Variants in MAF observed in about 807,000 individuals in gnomAD.
MAF encodes MAF bZIP transcription factor.
Under a neutral mutation model 22.0 loss-of-function variants are expected in MAF, and 10 were observed. The observed-to-expected ratio is 0.45, with a 90% CI of 0.28 to 0.77. The LOEUF (loss-of-function observed/expected upper bound fraction) is 0.77, where lower values mean the gene tolerates loss of function less well. Ranked by LOEUF, MAF falls within the 30% of genes least tolerant of loss-of-function variation. MAF has a pLI of 0.12. For missense variants in MAF, 544 were observed against 548.4 expected (o/e 0.99, Z 0.08); for synonymous variants, 337 against 255.8 (o/e 1.32, Z -3.03).
the MAF span, among the ~76,000 whole-genome samples, chr16:79,329,870 C>G: frequency 6.6e-6 from 1 of 152,122 alleles, no homozygotes; most frequent in Admixed American, 6.5e-5. Context: ...TTCCTACTCA[C>G]TTCCTACATG....
intron 1 of MAF, chr16:79,595,357 C>T: frequency 2.9e-6 from 3 of 1,051,310 alleles, no homozygotes; most frequent in Non-Finnish European, 3.4e-6. Context: ...CTTAGCAGCA[C>T]CAAACACAAC....
the MAF span, among the ~76,000 whole-genome samples, chr16:79,405,976 C>T: frequency 2.6e-5 from 4 of 152,226 alleles, no homozygotes; most frequent in Non-Finnish European, 4.4e-5. Context: ...CAGAAGCCCA[C>T]TCTGTTCATG....
chr16:79,445,362 G>A, the MAF span, among the ~76,000 whole-genome samples: 3 of 152,130 alleles, frequency 2.0e-5, no homozygotes, highest in Non-Finnish European at 4.4e-5. Flanking sequence ...ATGTTTTTAT[G>A]TATCAGTTCC....
At chr16:79,525,224 C>A in the MAF span, among the ~76,000 whole-genome samples, 4 of 152,084 alleles carry the variant, frequency 2.6e-5, no homozygotes, top group Non-Finnish European at 4.4e-5. Context: ...TAATCAGGCA[C>A]TTAAAATAAA....
At chr16:79,504,416 C>T in the MAF span, among the ~76,000 whole-genome samples, 69 of 152,242 alleles carry the variant, frequency 4.5e-4, no homozygotes, top group Non-Finnish European at 6.9e-4. Flanking sequence ...TGCATAACTT[C>T]GACAAGTTAC....
At chr16:79,233,034 G>A in the MAF span, among the ~76,000 whole-genome samples, 12 of 151,682 alleles carry the variant, frequency 7.9e-5, 1 homozygote, top group Admixed American at 4.0e-4. Context: ...TAGAGACTGG[G>A]TGTCACCGTG....
At chr16:79,538,895 G>T in the MAF span, among the ~76,000 whole-genome samples, 1 of 147,484 alleles carries the variant, frequency 6.8e-6, no homozygotes, top group Non-Finnish European at 1.5e-5. Flanking sequence ...AAGAAAGAAA[G>T]AAAGAAAGAA....
chr16:79,388,806 C>T, the MAF span, among the ~76,000 whole-genome samples: 4 of 152,150 alleles, frequency 2.6e-5, no homozygotes, highest in African/African-American at 9.6e-5. Flanking sequence ...GTTCTCCTGT[C>T]CATTTCACGG....
At chr16:79,511,352 A>C in the MAF span, among the ~76,000 whole-genome samples, 1 of 152,144 alleles carries the variant, frequency 6.6e-6, no homozygotes, top group South Asian at 2.1e-4. Flanking sequence ...ATGTGATTTA[A>C]GAGAGAGAGA....
chr16:79,411,977 C>A, the MAF span, among the ~76,000 whole-genome samples: 1 of 152,150 alleles, frequency 6.6e-6, no homozygotes, highest in Non-Finnish European at 1.5e-5. Flanking sequence ...AGTAGTGTTG[C>A]TGTTGTTACC....
chr16:79,335,119 A>T, the MAF span, among the ~76,000 whole-genome samples: 1 of 150,138 alleles, frequency 6.7e-6, no homozygotes, highest in Non-Finnish European at 1.5e-5. Context: ...TGGGAGGCAG[A>T]TGTTGCAGTA....
the MAF span, among the ~76,000 whole-genome samples, chr16:79,484,953 C>T: frequency 6.6e-6 from 1 of 152,220 alleles, no homozygotes; most frequent in African/African-American, 2.4e-5. Flanking sequence ...CTTGGACCTG[C>T]CATTAGAAGT....
chr16:79,212,915 A>AAAG, the MAF span: 51 of 151,500 alleles, frequency 3.4e-4, no homozygotes, highest in African/African-American at 1.2e-3. Context: ...TTAAAGAAAG[A>AAAG]AAAAAGAAAA....
At chr16:79,214,019 T>C in the MAF span, among the ~76,000 whole-genome samples, 1 of 152,152 alleles carries the variant, frequency 6.6e-6, no homozygotes, top group Non-Finnish European at 1.5e-5. Context: ...CACTCCCAAC[T>C]CAAGGGGTGC....
chr16:79,437,350 C>T, the MAF span, among the ~76,000 whole-genome samples: 1 of 152,174 alleles, frequency 6.6e-6, no homozygotes, highest in Non-Finnish European at 1.5e-5. Context: ...TGAAGACGTA[C>T]ATTACAGGTG....
chr16:79,397,423 T>C, the MAF span, among the ~76,000 whole-genome samples: 1 of 152,252 alleles, frequency 6.6e-6, no homozygotes, highest in Non-Finnish European at 1.5e-5. Flanking sequence ...TCGTGTGATA[T>C]TTGAATATTT....
the MAF span, among the ~76,000 whole-genome samples, chr16:79,355,527 A>C: frequency 5.9e-5 from 9 of 152,232 alleles, no homozygotes; most frequent in Non-Finnish European, 1.3e-4. Context: ...CTGGAGGACC[A>C]TGAATGTATT....
the MAF span, among the ~76,000 whole-genome samples, chr16:79,433,209 T>A: frequency 6.6e-6 from 1 of 151,224 alleles, no homozygotes. Context: ...ATACTCCTTT[T>A]CTCTCGCAAA....
At chr16:79,407,467 C>G in the MAF span, among the ~76,000 whole-genome samples, 1 of 152,152 alleles carries the variant, frequency 6.6e-6, no homozygotes, top group East Asian at 1.9e-4. Flanking sequence ...CTCTTCCTCC[C>G]TCTTTCCCTC....
Sources: allele counts gnomAD v4.1 joint callset (sites outside exome capture counted in the v4.1 genomes callset), GRCh38; gene constraint gnomAD v4.1.1; transcripts MANE v1.5; gene names NCBI Gene and HGNC (gene_info 2026-07-23, HGNC 2026-07-21).